The following ACTR3C variants were observed in gnomAD, a reference collection of about 807,000 sequenced individuals.
The protein encoded by ACTR3C is actin-related protein 3C.
Under a neutral mutation model 26.3 loss-of-function variants are expected in ACTR3C, and 18 were observed. The observed-to-expected ratio is 0.68, with a 90% CI of 0.47 to 1.01. The LOEUF (loss-of-function observed/expected upper bound fraction) is 1.01, where lower values mean the gene tolerates loss of function less well. Among genes scored for constraint, ACTR3C ranks in the 50% least tolerant of loss-of-function variants. ACTR3C has a pLI of 0.00. For synonymous variants in ACTR3C, 55 were observed against 94.5 expected (o/e 0.58, Z 2.42); for missense variants, 184 against 250.7 (o/e 0.73, Z 1.80).
rs1244341316 is a variant in ACTR3C at position 150,269,376 on chromosome 7, C to A, written c.564+15377G>T. ...GATGCCCAAAGGCCTCACACTCCCC[C>A]CGCTGTCTGGTGCTGGGGCCTGAAG... is the stretch of plus-strand genomic sequence containing the variant. On this transcript the variant is annotated intron_variant, in intron 6 of 7. Coordinates refer to ENST00000683684, the MANE Select transcript of ACTR3C (RefSeq NM_001164458.2). Among the ~76,000 whole-genome samples, 3 of 147,788 alleles carry A rather than the reference C, an allele frequency of 2.0e-5. 1 individual carries two copies. Among genetic ancestry groups the A allele is most frequent in the African/African-American group, 5.2e-5 (2 of 38,774 alleles).
the ACTR3C span, among the ~76,000 whole-genome samples, chr7:150,016,753 G>A: frequency 9.6e-3 from 1,461 of 152,128 alleles, 36 homozygotes; most frequent in African/African-American, 0.033. Context: ...TATACCATAG[G>A]GAAAAGCATA....
chr7:150,008,981 C>A, the ACTR3C span, among the ~76,000 whole-genome samples: 4,574 of 118,528 alleles, frequency 0.039, no homozygotes, highest in African/African-American at 0.081. Flanking sequence ...GAGAGGGCAC[C>A]GAACATCTCA....
chr7:149,942,919 G>C, the ACTR3C span, among the ~76,000 whole-genome samples: 1 of 151,688 alleles, frequency 6.6e-6, no homozygotes, highest in Admixed American at 6.6e-5. Flanking sequence ...TGTTTCACAT[G>C]CTTGGGCTGA....
the ACTR3C span, among the ~76,000 whole-genome samples, chr7:149,959,278 T>C: frequency 4.2e-5 from 6 of 143,526 alleles, no homozygotes; most frequent in South Asian, 1.5e-3. Context: ...TTGTTCTCCT[T>C]TGTCAGAGGC....
At chr7:149,963,500 C>T in the ACTR3C span, among the ~76,000 whole-genome samples, 10 of 152,326 alleles carry the variant, frequency 6.6e-5, no homozygotes, top group South Asian at 4.1e-4. Context: ...CTCTCCAGCT[C>T]GTGAGCCCTG....
At chr7:150,318,684 C>A (rs925574985) in intron 1 of ACTR3C, among the ~76,000 whole-genome samples, 1 of 152,134 alleles carries the variant, frequency 6.6e-6, no homozygotes, top group South Asian at 2.1e-4. Flanking sequence ...ATCGCTTGAA[C>A]CCGAAGAGCC....
downstream of ACTR3C, chr7:150,246,254 G>A (rs1357797921): frequency 2.0e-5 from 3 of 152,154 alleles, no homozygotes; most frequent in Non-Finnish European, 4.4e-5. Flanking sequence ...GTGTGTTTCT[G>A]CCTTGGGTTT....
chr7:150,193,403 A>ATTTTCTTTTTTTTTTTTTTT, the ACTR3C span, among the ~76,000 whole-genome samples: 1 of 125,650 alleles, frequency 8.0e-6, no homozygotes, highest in Non-Finnish European at 1.7e-5. Flanking sequence ...TTGATTTTTT[A>ATTTTCTTTTTTTTTTTTTTT]TTTTCTTTTT....
chr7:150,125,868 A>T, the ACTR3C span, among the ~76,000 whole-genome samples: 7 of 152,334 alleles, frequency 4.6e-5, no homozygotes, highest in East Asian at 1.3e-3. Flanking sequence ...AAGCCAGCGC[A>T]TTAGGAAGGA....
At chr7:150,122,307 G>T in the ACTR3C span, among the ~76,000 whole-genome samples, 35 of 151,742 alleles carry the variant, frequency 2.3e-4, no homozygotes, top group Non-Finnish European at 4.7e-4. Context: ...ACTATCATCA[G>T]AGTGAACAGG....
intron 1 of ACTR3C, among the ~76,000 whole-genome samples, chr7:150,318,493 G>T (rs974462679): frequency 1.3e-5 from 2 of 152,180 alleles, no homozygotes; most frequent in Admixed American, 6.5e-5. Flanking sequence ...GCCAGTTGCG[G>T]TGGCTCACGC....
the ACTR3C span, among the ~76,000 whole-genome samples, chr7:150,055,447 T>A: frequency 1.3e-5 from 2 of 151,794 alleles, no homozygotes; most frequent in Admixed American, 6.6e-5. Context: ...AGGGTAAGGA[T>A]TTTTCAAGAA....
At chr7:150,164,940 TC>T in the ACTR3C span, among the ~76,000 whole-genome samples, 1 of 152,320 alleles carries the variant, frequency 6.6e-6, no homozygotes, top group Admixed American at 6.5e-5. Flanking sequence ...AGCTATTATT[TC>T]TTTTCACCTC....
intron 6 of ACTR3C, among the ~76,000 whole-genome samples, chr7:150,275,381 G>A (rs1052652325): frequency 2.0e-5 from 3 of 152,206 alleles, no homozygotes; most frequent in African/African-American, 7.2e-5. Context: ...CCTATTTACA[G>A]TTCATGAAAA....
At chr7:150,017,268 G>A in the ACTR3C span, among the ~76,000 whole-genome samples, 1 of 151,504 alleles carries the variant, frequency 6.6e-6, no homozygotes, top group Non-Finnish European at 1.5e-5. Context: ...CCCCCAGCCT[G>A]CGCTATCTCG....
chr7:150,180,458 T>C, the ACTR3C span, among the ~76,000 whole-genome samples: 34 of 150,244 alleles, frequency 2.3e-4, 1 homozygote, highest in African/African-American at 7.8e-4. Flanking sequence ...AATATTAGTA[T>C]AGATATAAAA....
chr7:149,945,448 G>T, the ACTR3C span, among the ~76,000 whole-genome samples: 2 of 152,188 alleles, frequency 1.3e-5, no homozygotes, highest in Admixed American at 1.3e-4. Flanking sequence ...AGACCAAAAT[G>T]CTTTCTAAGA....
rs531942310 is a variant in ACTR3C, at chr7:150,321,893, T to C, written c.-52+1576A>G. Among the ~76,000 whole-genome samples, 21 of 152,298 alleles carry C rather than the reference T, an allele frequency of 1.4e-4. No individual in the cohort carries two copies. In the East Asian group the frequency reaches 3.7e-3, roughly 27 times the overall value. ...CAGGAGAAGGGTCATCTGAAAGATA[T>C]GGGAAAAGCTGAGGTTGCCCCTGGG... On this transcript the variant is annotated intron_variant, in intron 1 of 7. Transcript: ENST00000683684.
At chr7:150,210,717 G>A in the ACTR3C span, among the ~76,000 whole-genome samples, 3 of 149,694 alleles carry the variant, frequency 2.0e-5, no homozygotes, top group Non-Finnish European at 4.4e-5. Flanking sequence ...TTTTCCTTAC[G>A]GATGGAAAAA....
Sources: gnomAD v4.1 joint callset for allele counts (sites outside exome capture counted in the v4.1 genomes callset) on GRCh38, gnomAD v4.1.1 for gene constraint, MANE v1.5 for transcripts, NCBI Gene and HGNC (gene_info 2026-07-23, HGNC 2026-07-21) for gene names.